MTRF1: variants seen among roughly 807,000 people sequenced by gnomAD.
MTRF1 encodes the protein mitochondrial translation release factor 1.
In MTRF1, 51 loss-of-function variants were observed where a neutral mutation model predicts 62.9. The ratio of observed to expected loss-of-function variants is 0.81; its 90% CI spans 0.65 to 1.02. The LOEUF (loss-of-function observed/expected upper bound fraction) is 1.02. Ranked by LOEUF, MTRF1 falls within the 50% of genes least tolerant of loss-of-function variation. The pLI is 0.00. For missense variants in MTRF1, 446 were observed against 530.0 expected (o/e 0.84, Z 1.56); for synonymous variants, 158 against 181.9 (o/e 0.87, Z 1.06).
intron 5 of MTRF1, 51 bp downstream of exon 5, chr13:41,252,594 G>T (rs371308776): frequency 1.4e-5 from 20 of 1,393,436 alleles, no homozygotes; most frequent in African/African-American, 2.9e-5. Context: ...CAAGATCAGA[G>T]GTAAAATAAT....
intron 2 of MTRF1, among the ~76,000 whole-genome samples, chr13:41,255,902 CTTTA>C (rs976570032): frequency 2.2e-4 from 34 of 152,022 alleles, no homozygotes; most frequent in African/African-American, 6.8e-4. Flanking sequence ...GGCTTGGAGA[CTTTA>C]TTTGTCAGTG....
chr13:41,268,198 C>G (rs906042049), upstream of MTRF1, among the ~76,000 whole-genome samples: 13 of 152,136 alleles, frequency 8.5e-5, no homozygotes, highest in Non-Finnish European at 1.6e-4. Flanking sequence ...GAAGAAATCA[C>G]TTAGGCAGAT....
upstream of MTRF1, among the ~76,000 whole-genome samples, chr13:41,266,996 CAAAA>C (rs59609555): frequency 1.2e-5 from 1 of 81,216 alleles, no homozygotes; most frequent in African/African-American, 4.6e-5. Flanking sequence ...GACTCTGTCT[CAAAA>C]AAAAAAAAAA....
At chr13:41,273,519 T>C in the MTRF1 span, among the ~76,000 whole-genome samples, 1 of 152,104 alleles carries the variant, frequency 6.6e-6, no homozygotes, top group Non-Finnish European at 1.5e-5. Flanking sequence ...GAGCATAGTT[T>C]GGTTTTACAT....
the MTRF1 span, chr13:41,288,212 A>G: frequency 2.2e-6 from 1 of 455,750 alleles, no homozygotes; most frequent in Non-Finnish European, 4.4e-6. Context: ...ATAATTGTCA[A>G]AGACAATAGT....
At chr13:41,263,974 G>C (rs921354519), upstream of MTRF1, among the ~76,000 whole-genome samples, 1 of 152,148 alleles carries the variant, frequency 6.6e-6, no homozygotes, top group Non-Finnish European at 1.5e-5. Flanking sequence ...TGCAAACCTA[G>C]AAGAGAGATT....
intron 6 of MTRF1, 72 bp downstream of exon 6, chr13:41,240,189 C>T: frequency 7.1e-7 from 1 of 1,416,218 alleles, no homozygotes; most frequent in Non-Finnish European, 9.5e-7. Flanking sequence ...ACAGATTTTC[C>T]TAGAAGCTAA....
At chr13:41,226,613 A>C in intron 7 of MTRF1, 45 bp from the exon 8 acceptor site, 1 of 1,603,370 alleles carries the variant, frequency 6.2e-7, no homozygotes, top group Non-Finnish European at 8.5e-7. Flanking sequence ...GCTTCCACCA[A>C]ATTAAGATAG....
At chr13:41,265,426 A>C (rs1195936784), upstream of MTRF1, among the ~76,000 whole-genome samples, 1 of 152,162 alleles carries the variant, frequency 6.6e-6, no homozygotes, top group Non-Finnish European at 1.5e-5. Context: ...CGTCTCAAAA[A>C]AAAAAAAAAG....
the MTRF1 span, among the ~76,000 whole-genome samples, chr13:41,285,995 C>G: frequency 6.9e-6 from 1 of 144,636 alleles, no homozygotes; most frequent in Non-Finnish European, 1.5e-5. Context: ...ACCCAGGAGG[C>G]GGATGTTGCA....
chr13:41,274,086 C>T, the MTRF1 span, among the ~76,000 whole-genome samples: 1 of 152,174 alleles, frequency 6.6e-6, no homozygotes, highest in African/African-American at 2.4e-5. Flanking sequence ...CTAAGTAGTT[C>T]CCAGCTTGAC....
In MTRF1 at chr13:41,240,311, G is replaced by T. The variant is rs762389415; in HGVS notation, c.820C>A (p.Arg274Ser). ...PEVGLSSRMQ[R>S]IHTGTMSVIV... ...ACCGACATCGTTCCTGTGTGAATGC[G>T]CTGCATCCTTGAGGACAGGCCCACC... Residue 274 changes from arginine to serine, a missense_variant, in exon 6 of 10, where the codon CGC (arginine) becomes AGC (serine). Arg to Ser is a moderately radical substitution (Grantham distance 110). Coordinates refer to ENST00000379480, the MANE Select transcript of MTRF1 (RefSeq NM_004294.4). The T allele has an allele frequency of 6.2e-7, 1 of 1,612,980 alleles. No individual in the cohort carries two copies.
chr13:41,286,924 G>T, the MTRF1 span, among the ~76,000 whole-genome samples: 4 of 152,184 alleles, frequency 2.6e-5, no homozygotes, highest in African/African-American at 9.7e-5. Flanking sequence ...TCATTAAGGA[G>T]GCTGTTCTGC....
At chr13:41,263,019 T>C (rs7325843) in intron 1 of MTRF1, among the ~76,000 whole-genome samples, 79,604 of 152,038 alleles carry the variant, frequency 0.52, 21,666 homozygotes, top group South Asian at 0.62. Flanking sequence ...AAAAGAACTG[T>C]TGAAGAAAGC....
the MTRF1 span, among the ~76,000 whole-genome samples, chr13:41,286,652 C>A: frequency 1.3e-5 from 2 of 152,186 alleles, no homozygotes; most frequent in African/African-American, 4.8e-5. Flanking sequence ...ATCCTTTGAT[C>A]ACATCGAGTG....
At chr13:41,258,178 G>A (rs2039972468) in intron 2 of MTRF1, among the ~76,000 whole-genome samples, 1 of 152,098 alleles carries the variant, frequency 6.6e-6, no homozygotes, top group African/African-American at 2.4e-5. Context: ...AGAGACTTGT[G>A]GTACCATCAA....
Position 41,245,259 on chromosome 13 carries a change from T to C in MTRF1, c.698-4826A>G, listed in dbSNP as rs369070532. Among the ~76,000 whole-genome samples the C allele has an allele frequency of 4.6e-3, 704 of 152,148 alleles. 6 individuals are homozygous for C. Among genetic ancestry groups the C allele is most frequent in the African/African-American group, 0.016 (648 of 41,494 alleles). On this transcript the variant is annotated intron_variant, in intron 5 of 9. Coordinates refer to ENST00000379480, the MANE Select transcript of MTRF1 (RefSeq NM_004294.4). ...TGACACTTCATATTGCTTTTTTTTT[T>C]TGAAGACATGGTCTCACTCTGTCCT...
chr13:41,302,371 G>A, the MTRF1 span, among the ~76,000 whole-genome samples: 6 of 150,914 alleles, frequency 4.0e-5, no homozygotes, highest in Non-Finnish European at 7.4e-5. Context: ...GGATCAGAGA[G>A]ACAGGAAGGT....
the MTRF1 span, among the ~76,000 whole-genome samples, chr13:41,307,615 C>CA: frequency 6.6e-3 from 930 of 140,466 alleles, 6 homozygotes; most frequent in African/African-American, 0.021. Context: ...GGCTCCATCT[C>CA]AAAAAAAAAA....
Sources: allele counts gnomAD v4.1 joint callset (sites outside exome capture counted in the v4.1 genomes callset), GRCh38; gene constraint gnomAD v4.1.1; transcripts MANE v1.5; gene names NCBI Gene and HGNC (gene_info 2026-07-23, HGNC 2026-07-21).